The following PCDHA4 variants were observed in gnomAD, a reference collection of about 807,000 sequenced individuals.
The protein encoded by PCDHA4 is protocadherin alpha 4.
In PCDHA4, 49 loss-of-function variants were observed where a neutral mutation model predicts 61.4. The observed-to-expected ratio is 0.80, with a 90% CI of 0.63 to 1.01. The LOEUF (loss-of-function observed/expected upper bound fraction) is 1.01. Ranked by LOEUF, PCDHA4 falls within the 50% of genes least tolerant of loss-of-function variation. The probability of loss-of-function intolerance (pLI) is 0.00; values close to 1 mark genes in which losing one functional copy is unlikely to be tolerated. For synonymous variants in PCDHA4, 590 were observed against 550.3 expected (o/e 1.07, Z -1.01); for missense variants, 1,254 against 1,235.8 (o/e 1.01, Z -0.22).
chr5:140,857,949 G>A (rs1554150927), intron 1 of PCDHA4: 3 of 1,597,424 alleles, frequency 1.9e-6, no homozygotes, highest in Non-Finnish European at 2.6e-6. Flanking sequence ...AGTACGACGC[G>A]CGCTCTGGAT....
At chr5:140,837,121 A>G (rs2150273262) in intron 1 of PCDHA4, 1 of 156,722 alleles carries the variant, frequency 6.4e-6, no homozygotes, top group East Asian at 1.9e-4. Context: ...GTTACCTAAT[A>G]TTTTATTCTA....
chr5:140,973,666 A>G (rs531003588), intron 1 of PCDHA4, among the ~76,000 whole-genome samples: 8 of 152,322 alleles, frequency 5.3e-5, no homozygotes, highest in African/African-American at 1.9e-4. Flanking sequence ...TATTTATTGT[A>G]GCTTGAATGT....
Position 140,875,940 on chromosome 5 carries a change from C to T in PCDHA4, c.2385+66368C>T, listed in dbSNP as rs782320801. ...TGGACTCTCATTTTCCTCTAGAGGG[C>T]GCTTCTGATGCGGATATCGGCGTAA... On this transcript the variant is annotated intron_variant, in intron 1 of 3. Transcript: ENST00000530339. 5.0e-6 allele frequency: 8 copies of T among 1,613,964 alleles called. No individual in the cohort carries two copies. In the South Asian group the frequency reaches 6.6e-5, roughly 13 times the overall value.
In PCDHA4 at chr5:140,875,437, C is replaced by CTGAT. The variant is rs782126939; in HGVS notation, c.2385+65868_2385+65871dup. The stretch of plus-strand genomic sequence containing the variant: ...ACCTCAGGCAAGCGATCCCTTAAAA[C>CTGAT]TGATTGTCCCAACTCAGAGGCCCTC... On this transcript the variant is annotated intron_variant, in intron 1 of 3. Transcript: ENST00000530339. 4 of 1,565,778 alleles carry CTGAT rather than the reference C, an allele frequency of 2.6e-6. No homozygotes were observed. In the South Asian group the frequency reaches 3.6e-5, roughly 14 times the overall value.
chr5:140,985,021 T>A (rs2097132867), intron 3 of PCDHA4, among the ~76,000 whole-genome samples: 1 of 151,956 alleles, frequency 6.6e-6, no homozygotes, highest in African/African-American at 2.4e-5. Flanking sequence ...CACAGCAACC[T>A]CTGCCTCCTG....
intron 1 of PCDHA4, among the ~76,000 whole-genome samples, chr5:140,962,147 T>C (rs2095660496): frequency 1.3e-5 from 2 of 152,176 alleles, no homozygotes; most frequent in South Asian, 4.1e-4. Context: ...AGTGCTGGGA[T>C]TACAGGCGTG....
intron 1 of PCDHA4, among the ~76,000 whole-genome samples, chr5:140,954,085 C>G (rs1477637836): frequency 1.3e-5 from 2 of 152,142 alleles, no homozygotes; most frequent in African/African-American, 4.8e-5. Context: ...GCTTCCAGCT[C>G]CATCCATGTC....
chr5:140,922,350 G>A (rs2080793001), intron 1 of PCDHA4, among the ~76,000 whole-genome samples: 11 of 152,212 alleles, frequency 7.2e-5, no homozygotes, highest in Admixed American at 7.2e-4. Context: ...GTATTTTCTA[G>A]AGTAGTGATT....
chr5:140,827,605 G>A (rs1440569853), intron 1 of PCDHA4, among the ~76,000 whole-genome samples: 1 of 152,210 alleles, frequency 6.6e-6, no homozygotes, highest in Non-Finnish European at 1.5e-5. Flanking sequence ...ATGTGGGCAA[G>A]TTTCTTTTCT....
chr5:140,824,164 C>T (rs2150132850), intron 1 of PCDHA4: 4 of 1,610,388 alleles, frequency 2.5e-6, no homozygotes, highest in South Asian at 1.1e-5. Flanking sequence ...CTTTCCCTCC[C>T]AATTTTCAAA....
In PCDHA4 at chr5:140,847,905, T is replaced by C. The variant is rs2150241062; in HGVS notation, c.2385+38333T>C. 2 of 150,078 alleles carry C rather than the reference T, an allele frequency of 1.3e-5. 1 individual carries two copies. The highest frequency in any genetic ancestry group is 4.2e-4 in the South Asian group (2 of 4,724). The allele number at this position is 150,078 out of a possible 1,614,324, so 9.3% of individuals were successfully genotyped here. A position where few individuals can be genotyped will look rare whatever the true frequency, so the allele number is the denominator to read the frequency against. ...AGTTTCTTTTTCATCAGTAGATTTC[T>C]GGGCTCCTATATTCACTAGAGATTG... is the stretch of plus-strand genomic sequence containing the variant. On this transcript the variant is annotated intron_variant, in intron 1 of 3. Coordinates refer to ENST00000530339, the MANE Select transcript of PCDHA4 (RefSeq NM_018907.4).
intron 1 of PCDHA4, among the ~76,000 whole-genome samples, chr5:140,937,338 C>T (rs1554211545): frequency 1.3e-5 from 2 of 151,992 alleles, no homozygotes; most frequent in Non-Finnish European, 2.9e-5. Flanking sequence ...CGCCCGGCTT[C>T]TTCCATTTAT....
At chr5:140,905,343 G>C (rs2071757275) in intron 1 of PCDHA4, among the ~76,000 whole-genome samples, 1 of 152,148 alleles carries the variant, frequency 6.6e-6, no homozygotes, top group Non-Finnish European at 1.5e-5. Context: ...TCAGTTGGCT[G>C]TAAGTATTTG....
intron 1 of PCDHA4, among the ~76,000 whole-genome samples, chr5:140,833,257 C>T (rs1170733217): frequency 6.6e-6 from 1 of 152,092 alleles, no homozygotes; most frequent in African/African-American, 2.4e-5. Flanking sequence ...ACCAGGAGAG[C>T]AGCAATTATA....
At chr5:140,870,481 A>C (rs1329928274) in intron 1 of PCDHA4, 1 of 1,614,210 alleles carries the variant, frequency 6.2e-7, no homozygotes, top group East Asian at 2.2e-5. Context: ...GCCCGAGTAC[A>C]CCGTGTTCGT....
At chr5:140,822,826 A>G in intron 1 of PCDHA4, 3 of 1,614,232 alleles carry the variant, frequency 1.9e-6, no homozygotes, top group Non-Finnish European at 2.5e-6. Context: ...AGAGATGGCC[A>G]TAACCACCCT....
At position 140,830,020 on chromosome 5, in the gene PCDHA4, G is replaced by C. The variant is rs2150179706; in HGVS notation, c.2385+20448G>C. On this transcript the variant is annotated intron_variant, in intron 1 of 3. Transcript: ENST00000530339. ...GTGTCCTGGACGAAGCGGACTCTCC[G>C]CGCCACCGGCTGCTGGTGCTGGTGA... 3 of 1,613,872 alleles carry C rather than the reference G, an allele frequency of 1.9e-6. No homozygotes were observed. The East Asian group carries it at 6.7e-5, about 36-fold the overall frequency.
chr5:140,876,716 G>C lies in PCDHA4; in HGVS notation c.2385+67144G>C, dbSNP rs374218090. On this transcript the variant is annotated intron_variant, in intron 1 of 3. Coordinates refer to ENST00000530339, the MANE Select transcript of PCDHA4 (RefSeq NM_018907.4). ...TTGGTGCTGGACAGCGCCCTGGACC[G>C]CGAGAGCGTGTCGGCCTATGAGCTG... 135 of 1,614,132 alleles carry C rather than the reference G, an allele frequency of 8.4e-5. No homozygotes were observed. In the Middle Eastern group the frequency reaches 2.5e-3, roughly 29 times the overall value.
At chr5:140,980,076 G>A (rs2096875671) in intron 2 of PCDHA4, among the ~76,000 whole-genome samples, 1 of 152,214 alleles carries the variant, frequency 6.6e-6, no homozygotes, top group South Asian at 2.1e-4. Flanking sequence ...AAGGGCTGAA[G>A]ATTAGTAGTT....
Sources: allele counts gnomAD v4.1 joint callset (sites outside exome capture counted in the v4.1 genomes callset), GRCh38; gene constraint gnomAD v4.1.1; transcripts MANE v1.5; gene names NCBI Gene and HGNC (gene_info 2026-07-23, HGNC 2026-07-21).